Variants in ASAH2 observed in about 807,000 individuals in gnomAD.
ASAH2 encodes the protein neutral ceramidase.
In ASAH2, 58 loss-of-function variants were observed where a neutral mutation model predicts 82.9. The ratio of observed to expected loss-of-function variants is 0.70; its 90% CI spans 0.57 to 0.87. The LOEUF (loss-of-function observed/expected upper bound fraction) is 0.87, where lower values mean the gene tolerates loss of function less well. ASAH2 is among the 40% of genes least tolerant of loss of function. The pLI, the probability that ASAH2 is intolerant of heterozygous loss-of-function variation, is 0.00. For synonymous variants in ASAH2, 276 were observed against 289.7 expected, an observed-to-expected ratio of 0.95 and a Z score of 0.48; for missense variants, 779 against 834.0, an observed-to-expected ratio of 0.93 and a Z score of 0.81.
rs565816415 is a variant in ASAH2 at position 50,214,802 on chromosome 10, G to T, written c.1081C>A (p.Arg361Ser). 1.1e-5 allele frequency: 18 copies of T among 1,613,750 alleles called. No homozygotes were observed. In the East Asian group the frequency reaches 3.6e-4, roughly 32 times the overall value. ...CAGGACTCTCCTGTGTTGATGCAAC[G>T]TGGTCCAAGAATGTTGGGGGACACA... The part of the protein sequence containing the change: ...GDVSPNILGP[R>S]CINTGESCDN... Residue 361 changes from arginine to serine, a missense_variant, in exon 9 of 21, where the codon CGT (arginine) becomes AGT (serine). Around this residue, in one of 3 missense-constraint regions of ASAH2, gnomAD observed 759 missense variants for 755.2 expected, o/e 1.00. Transcript: ENST00000682911.
intron 10 of ASAH2, among the ~76,000 whole-genome samples, chr10:50,212,212 C>T (rs1333332454): frequency 2.0e-5 from 3 of 151,616 alleles, no homozygotes; most frequent in Admixed American, 6.6e-5. Flanking sequence ...CACACACACA[C>T]GCAGCAAAGG....
At chr10:50,219,516 C>A in intron 7 of ASAH2, among the ~76,000 whole-genome samples, 1 of 152,090 alleles carries the variant, frequency 6.6e-6, no homozygotes, top group East Asian at 1.9e-4. Flanking sequence ...GGCAGTAAAG[C>A]AGATTAACTG....
chr10:50,220,835 CCAAAAA>C (rs1173142639), intron 7 of ASAH2, among the ~76,000 whole-genome samples: 2 of 21,528 alleles, frequency 9.3e-5, no homozygotes, highest in African/African-American at 4.9e-4. Flanking sequence ...AATACTCTAG[CCAAAAA>C]AAAAAAAAAA....
At chr10:50,212,123 C>T (rs1379981929) in intron 10 of ASAH2, among the ~76,000 whole-genome samples, 1 of 151,710 alleles carries the variant, frequency 6.6e-6, no homozygotes, top group Non-Finnish European at 1.5e-5. Flanking sequence ...TTTAAAGGTG[C>T]TTTTGTCCTT....
intron 16 of ASAH2, among the ~76,000 whole-genome samples, chr10:50,199,987 G>A (rs1845097536): frequency 6.6e-6 from 1 of 151,066 alleles, no homozygotes; most frequent in Non-Finnish European, 1.5e-5. Flanking sequence ...TAAATCACAT[G>A]TCATGAGGGT....
At chr10:50,220,310 A>G (rs1845707149) in intron 7 of ASAH2, among the ~76,000 whole-genome samples, 2 of 152,194 alleles carry the variant, frequency 1.3e-5, no homozygotes, top group African/African-American at 4.8e-5. Context: ...AATTGTATCT[A>G]AAGACACATG....
intron 16 of ASAH2, 40 bp downstream of exon 16, chr10:50,202,789 G>C: frequency 7.8e-7 from 1 of 1,283,018 alleles, no homozygotes; most frequent in Non-Finnish European, 1.1e-6. Flanking sequence ...GTCTTTACTG[G>C]GGTATAATTC....
intron 4 of ASAH2, among the ~76,000 whole-genome samples, chr10:50,238,510 C>T (rs2133228373): frequency 6.6e-6 from 1 of 152,254 alleles, no homozygotes; most frequent in South Asian, 2.1e-4. Flanking sequence ...AATCCCCCAC[C>T]ACTCTCGCAT....
At chr10:50,219,996 A>C (rs1845700660) in intron 7 of ASAH2, among the ~76,000 whole-genome samples, 2 of 152,206 alleles carry the variant, frequency 1.3e-5, no homozygotes, top group Non-Finnish European at 2.9e-5. Context: ...TGTATTTATC[A>C]ACTTTAAAAT....
At chr10:50,239,516 G>C (rs1194034046) in intron 4 of ASAH2, among the ~76,000 whole-genome samples, 4 of 152,040 alleles carry the variant, frequency 2.6e-5, no homozygotes, top group African/African-American at 7.2e-5. Context: ...TTCCCAATTA[G>C]AGCCATCTCA....
chr10:50,247,392 T>C (rs937665989), intron 2 of ASAH2, among the ~76,000 whole-genome samples: 1 of 151,910 alleles, frequency 6.6e-6, no homozygotes, highest in Non-Finnish European at 1.5e-5. Context: ...CTCAAACTCT[T>C]GACCTCAGGT....
Position 50,211,039 on chromosome 10 carries a change from G to A in ASAH2, c.1323C>T (p.Ser441=). Residue 441 remains serine, a synonymous_variant, in exon 11 of 21, where the codon TCC becomes TCT. Transcript: ENST00000682911. ...DMTDVTVWLN[S]THASKTCKPA... ...TCTCAGCAGCACTTACTGCATGTGT[G>A]GAATTGAGCCAGACAGTCACATCTG... 1 of 1,613,556 alleles carries A rather than the reference G, an allele frequency of 6.2e-7. No homozygotes were observed. The highest frequency in any genetic ancestry group is 8.5e-7 in the Non-Finnish European group (1 of 1,179,548).
chr10:50,223,844 G>T (rs1407420044), intron 7 of ASAH2, among the ~76,000 whole-genome samples: 2 of 152,290 alleles, frequency 1.3e-5, no homozygotes, highest in Admixed American at 1.3e-4. Context: ...TGGGGGCACA[G>T]ATTGGAGGGA....
intron 5 of ASAH2, 140 bp downstream of exon 5, chr10:50,235,748 C>G: frequency 1.1e-6 from 1 of 891,848 alleles, no homozygotes. Flanking sequence ...AAGATAGAGT[C>G]AGGGAGGAGA....
At chr10:50,212,576 T>C (rs1391735648) in intron 10 of ASAH2, among the ~76,000 whole-genome samples, 5 of 152,118 alleles carry the variant, frequency 3.3e-5, no homozygotes, top group African/African-American at 1.2e-4. Flanking sequence ...AGTTAAGAGA[T>C]AGTTGGGTGA....
intron 1 of ASAH2, among the ~76,000 whole-genome samples, chr10:50,250,542 G>C (rs1445213003): frequency 6.6e-6 from 1 of 152,096 alleles, no homozygotes; most frequent in Admixed American, 6.6e-5. Context: ...GAACTCTAAG[G>C]ATCTACAGAT....
intron 10 of ASAH2, 61 bp downstream of exon 10, chr10:50,212,910 AG>A: frequency 6.8e-7 from 1 of 1,468,704 alleles, no homozygotes; most frequent in Non-Finnish European, 9.5e-7. Context: ...TAATGAACCA[AG>A]TCAATGGATT....
chr10:50,205,103 A>G (rs1371685179), intron 13 of ASAH2, 148 bp from the exon 14 acceptor site: 2 of 588,324 alleles, frequency 3.4e-6, no homozygotes, highest in East Asian at 5.8e-5. Flanking sequence ...TAGTCATAAC[A>G]TGAGAATTTC....
chr10:50,214,694 A>T, intron 9 of ASAH2, 49 bp downstream of exon 9: 1 of 1,602,654 alleles, frequency 6.2e-7, no homozygotes. Flanking sequence ...CAAACATAAA[A>T]TGTATTTGAG....
Sources: allele counts gnomAD v4.1 joint callset (sites outside exome capture counted in the v4.1 genomes callset), GRCh38; gene constraint gnomAD v4.1.1; regional missense constraint gnomAD v4.1.1; transcripts MANE v1.5; gene names NCBI Gene and HGNC (gene_info 2026-07-23, HGNC 2026-07-21).